EPHA6: variants seen among roughly 807,000 people sequenced by gnomAD.
EPHA6 encodes EPH receptor A6.
In EPHA6, 50 loss-of-function variants were observed where a neutral mutation model predicts 112.0. The observed-to-expected ratio is 0.45, with a 90% confidence interval of 0.36 to 0.56. The LOEUF (loss-of-function observed/expected upper bound fraction) is 0.56. Among genes scored for constraint, EPHA6 ranks in the 20% least tolerant of loss-of-function variants. EPHA6 has a pLI of 0.00. For missense variants in EPHA6, 1,280 were observed against 1,417.4 expected (o/e 0.90, Z 1.56); for synonymous variants, 529 against 490.7 (o/e 1.08, Z -1.03).
chr3:97,316,126 C>A lies in EPHA6; in HGVS notation c.1606+71839C>A, dbSNP rs527485644. Among the ~76,000 whole-genome samples, 46 of 151,766 alleles carry A rather than the reference C, an allele frequency of 3.0e-4. No homozygotes were observed. The East Asian group carries it at 6.4e-3, about 21-fold the overall frequency. ...ATGATTTTAAAATGAAATAATAATG[C>A]AACAATTGACTAAGTTTTATCAAAT... On this transcript the variant is annotated intron_variant, in intron 5 of 17. Coordinates refer to ENST00000389672, the MANE Select transcript of EPHA6 (RefSeq NM_001080448.3).
intron 2 of EPHA6, among the ~76,000 whole-genome samples, chr3:96,906,771 T>G (rs2038956545): frequency 6.6e-6 from 1 of 151,886 alleles, no homozygotes; most frequent in South Asian, 2.1e-4. Flanking sequence ...ACCTTTTCTC[T>G]AGAAAAGGCC....
rs145085449 is a variant in EPHA6 at position 96,864,530 on chromosome 3, A to C, written c.386-2295A>C. 2.0e-4 allele frequency among the ~76,000 whole-genome samples: 31 copies of C among 152,220 alleles called. No homozygotes were observed. In the East Asian group the frequency reaches 6.0e-3, roughly 29 times the overall value. The stretch of plus-strand genomic sequence containing the variant: ...GAAAGAAATCAGATTAGTGGTTACC[A>C]GAGGATGGGGTAGGAAAGGGATTTC... On this transcript the variant is annotated intron_variant, in intron 1 of 17. Transcript: ENST00000389672.
Position 97,586,871 on chromosome 3 carries a change from A to G in EPHA6, c.2387-5741A>G, listed in dbSNP as rs184463904. Among the ~76,000 whole-genome samples, 492 of 152,326 alleles carry G rather than the reference A, an allele frequency of 3.2e-3. 2 individuals carry two copies. Among genetic ancestry groups the G allele is most frequent in the African/African-American group, 0.011 (458 of 41,564 alleles). ...TGAAGTTATTCTTACTGTAGCTCAG[A>G]GGTACCAGAGTTCATCCAAAACCAG... On this transcript the variant is annotated intron_variant, in intron 11 of 17. Transcript: ENST00000389672.
intron 14 of EPHA6, among the ~76,000 whole-genome samples, chr3:97,714,182 A>G (rs2107773107): frequency 6.6e-6 from 1 of 152,348 alleles, no homozygotes; most frequent in Non-Finnish European, 1.5e-5. Context: ...AAGCCAAATG[A>G]GTCCAAAAAA....
intron 10 of EPHA6, among the ~76,000 whole-genome samples, chr3:97,504,907 CTGTT>C (rs2092208153): frequency 6.6e-6 from 1 of 152,034 alleles, no homozygotes; most frequent in Non-Finnish European, 1.5e-5. Context: ...CTGAACAAAT[CTGTT>C]TGTAAAAACT....
chr3:97,534,791 C>T (rs1165564770), intron 11 of EPHA6, among the ~76,000 whole-genome samples: 2 of 151,952 alleles, frequency 1.3e-5, no homozygotes, highest in African/African-American at 4.8e-5. Context: ...GTTATTCCTT[C>T]TGTATTATAT....
At chr3:97,592,792 C>G (rs1354904538) in intron 12 of EPHA6, 55 bp downstream of exon 12, 1 of 1,480,724 alleles carries the variant, frequency 6.8e-7, no homozygotes, top group East Asian at 2.4e-5. Context: ...GGATTGTGCT[C>G]ATAGTTGATA....
chr3:96,828,559 T>A (rs2033815354), intron 1 of EPHA6, among the ~76,000 whole-genome samples: 1 of 152,142 alleles, frequency 6.6e-6, no homozygotes, highest in Non-Finnish European at 1.5e-5. Context: ...TATGAGTGCT[T>A]AGGAATGGCT....
chr3:96,974,584 G>A (rs188186386), intron 2 of EPHA6, among the ~76,000 whole-genome samples: 8 of 151,448 alleles, frequency 5.3e-5, no homozygotes, highest in Admixed American at 3.3e-4. Flanking sequence ...AGCAAAAATC[G>A]AATTATACAT....
At chr3:97,305,085 C>A (rs1280996909) in intron 5 of EPHA6, among the ~76,000 whole-genome samples, 2 of 151,990 alleles carry the variant, frequency 1.3e-5, no homozygotes, top group Admixed American at 1.3e-4. Flanking sequence ...TGAACAGATA[C>A]TTCTCAAAAG....
intron 1 of EPHA6, among the ~76,000 whole-genome samples, chr3:96,826,730 G>A (rs1386495860): frequency 1.3e-5 from 2 of 151,990 alleles, no homozygotes; most frequent in Admixed American, 1.3e-4. Flanking sequence ...TTCCCAAGCT[G>A]TCTTTTAATT....
At chr3:97,374,083 A>C (rs948668032) in intron 5 of EPHA6, among the ~76,000 whole-genome samples, 1 of 152,130 alleles carries the variant, frequency 6.6e-6, no homozygotes, top group Non-Finnish European at 1.5e-5. Flanking sequence ...TCCTGTTTCT[A>C]TCAGTACTTC....
chr3:97,756,317 G>A lies in EPHA6; in HGVS notation c.*7616G>A, dbSNP rs2036024737. ...TGCTAACAAACTTGTAACTGAACAA[G>A]CTATTTTTTTCTGTCAATGTGATTG... On this transcript the variant is annotated 3_prime_UTR_variant, in exon 18 of 18. Transcript: ENST00000389672. Among the ~76,000 whole-genome samples, 1 of 151,890 alleles carries A rather than the reference G, an allele frequency of 6.6e-6. No homozygotes were observed. Among genetic ancestry groups the A allele is most frequent in the Non-Finnish European group, 1.5e-5 (1 of 67,838 alleles).
intron 13 of EPHA6, among the ~76,000 whole-genome samples, chr3:97,627,448 G>A (rs2093867574): frequency 6.6e-6 from 1 of 151,660 alleles, no homozygotes; most frequent in Non-Finnish European, 1.5e-5. Flanking sequence ...AGAAGGTAAG[G>A]GAGCAAATAA....
At chr3:97,115,794 GA>G (rs1156979548) in intron 3 of EPHA6, among the ~76,000 whole-genome samples, 1 of 151,816 alleles carries the variant, frequency 6.6e-6, no homozygotes, top group African/African-American at 2.4e-5. Context: ...TATAGAATGA[GA>G]AGGCTTTTAG....
At chr3:97,304,428 A>T (rs1220568918) in intron 5 of EPHA6, among the ~76,000 whole-genome samples, 1 of 152,016 alleles carries the variant, frequency 6.6e-6, no homozygotes, top group Non-Finnish European at 1.5e-5. Context: ...AAAAGAGCTC[A>T]TATAGCCAAG....
intron 1 of EPHA6, among the ~76,000 whole-genome samples, chr3:96,860,746 A>G (rs2035961715): frequency 6.6e-6 from 1 of 152,118 alleles, no homozygotes; most frequent in Non-Finnish European, 1.5e-5. Context: ...AGAAAATCTA[A>G]GACTATAGCC....
intron 11 of EPHA6, chr3:97,560,606 T>C (rs911351370): frequency 3.3e-5 from 5 of 152,046 alleles, no homozygotes; most frequent in South Asian, 2.1e-4. Context: ...GGTGAGCTTA[T>C]TGCTTTCATT....
intron 2 of EPHA6, among the ~76,000 whole-genome samples, chr3:96,908,839 T>C (rs188550861): frequency 1.3e-5 from 2 of 152,114 alleles, no homozygotes; most frequent in Non-Finnish European, 2.9e-5. Flanking sequence ...TCTGGACTTA[T>C]TCGGAGGCAC....
Sources: gnomAD v4.1 joint callset for allele counts (sites outside exome capture counted in the v4.1 genomes callset) on GRCh38, gnomAD v4.1.1 for gene constraint, MANE v1.5 for transcripts, NCBI Gene and HGNC (gene_info 2026-07-23, HGNC 2026-07-21) for gene names.